Variants in ANO7 observed in about 807,000 individuals in gnomAD.
ANO7 encodes anoctamin-7.
In ANO7, 114 loss-of-function variants were observed where a neutral mutation model predicts 115.8. The observed-to-expected ratio is 0.98, with a 90% confidence interval of 0.85 to 1.15. The LOEUF (loss-of-function observed/expected upper bound fraction) is 1.15. Ranked by LOEUF, ANO7 falls within the 50% of genes most tolerant of loss-of-function variation. The pLI, the probability that ANO7 is intolerant of heterozygous loss-of-function variation, is 0.00. For missense variants in ANO7, 1,302 were observed against 1,201.2 expected (o/e 1.08, Z -1.24); for synonymous variants, 550 against 498.2 (o/e 1.10, Z -1.38).
At chr2:241,196,002 G>A (rs1471990930) in intron 4 of ANO7, 157 bp downstream of exon 4, 10 of 1,514,936 alleles carry the variant, frequency 6.6e-6, no homozygotes, top group Admixed American at 2.1e-5. Flanking sequence ...GAGCTCCTCC[G>A]TGTGGCTAGG....
rs2068116724 is a variant in ANO7, at chr2:241,188,774, C to A, written c.-8+8C>A. On this transcript the variant is annotated splice_region_variant and intron_variant, in intron 1 of 24. Transcript: ENST00000674324. This position sits in a 1 kb window ranked among gnomAD's most constrained non-coding sequence, Gnocchi z 4.3. ...CGGAAGCCACTGTGCCAGGTGGGGA[C>A]CCAGCCTAGACGTGTGGGCCACAGG... The A allele has an allele frequency of 6.2e-7, 1 of 1,612,164 alleles. No homozygotes were observed. The highest frequency in any genetic ancestry group is 1.7e-4 in the Middle Eastern group (1 of 6,044).
At position 241,218,275 on chromosome 2, in the gene ANO7, C is replaced by A. The variant is rs1338349082; in HGVS notation, c.2215C>A (p.Arg739Ser). Residue 739 changes from arginine (R) to serine (S), a missense_variant, in exon 21 of 25, where the codon CGC (arginine) becomes AGC (serine). Transcript: ENST00000674324. ...GGCCTTCTCGTCCGACTTCCTGCCGCGCGCCTACTACCGGTGGACCCGCGC... is the reference window on the plus strand; with the variant it reads ...GGCCTTCTCGTCCGACTTCCTGCCGAGCGCCTACTACCGGTGGACCCGCGC... ...LLAFSSDFLP[R>S]AYYRWTRAHD... 3.3e-6 allele frequency: 5 copies of A among 1,534,266 alleles called. No homozygotes were observed. Among genetic ancestry groups the A allele is most frequent in the South Asian group, 1.2e-5 (1 of 85,094 alleles).
chr2:241,218,044 G>GCA lies in ANO7; in HGVS notation c.2178+153_2178+154insCA, dbSNP rs1559455936. 2.3e-3 allele frequency: 2 copies of GCA among 858 alleles called. 1 individual carries two copies. The highest frequency in any genetic ancestry group is 4.1e-3 in the Non-Finnish European group (2 of 484). The allele number at this position is 858 out of a possible 1,614,324, so 0.1% of individuals were successfully genotyped here. On this transcript the variant is annotated intron_variant, in intron 20 of 24. Coordinates refer to ENST00000674324, the MANE Select transcript of ANO7 (RefSeq NM_001370694.2). ...GGGGCTCGTAGGGGCGGGGCGGGGG[G>GCA]GCGGCGGGGGCGGGCAGGGGCGGGG...
chr2:241,191,210 CG>C lies in ANO7; in HGVS notation c.127del (p.Ala43ProfsTer24), dbSNP rs763152755. On this transcript the variant is annotated frameshift_variant, in exon 3 of 25. Coordinates refer to ENST00000674324, the MANE Select transcript of ANO7 (RefSeq NM_001370694.2). LOFTEE classifies it high-confidence loss of function. ...GCCTTCCAGCCAGGTGGACAGCAAG[CG>C]GCCGCCTGCAGAGCTGGGAGTCCTG... The part of the protein sequence containing the change: ...AHASEPGGQQ[A>X]AACRAGSPAK... 2 of 1,613,866 alleles carry C rather than the reference CG, an allele frequency of 1.2e-6. No homozygotes were observed. Among genetic ancestry groups the C allele is most frequent in the Admixed American group, 3.3e-5 (2 of 60,018 alleles).
chr2:241,193,539 G>C (rs751169880), intron 3 of ANO7, among the ~76,000 whole-genome samples: 3 of 150,048 alleles, frequency 2.0e-5, no homozygotes, highest in African/African-American at 4.9e-5. Context: ...GCTACCAGAA[G>C]CTCCCCACCC....
intron 11 of ANO7, 89 bp downstream of exon 11, chr2:241,207,759 C>A: frequency 8.3e-7 from 1 of 1,209,278 alleles, no homozygotes; most frequent in Non-Finnish European, 1.2e-6. Flanking sequence ...TCTGCCTGCA[C>A]CAGCCCCTGT....
chr2:241,217,542 C>G lies in ANO7; in HGVS notation c.1973-144C>G, dbSNP rs892488813. The G allele has an allele frequency of 3.8e-5, 37 of 962,030 alleles. 2 individuals are homozygous for G. The highest frequency in any genetic ancestry group is 3.2e-4 in the Middle Eastern group (1 of 3,164). 59.6% of individuals were successfully genotyped at this position (962,030 alleles called of 1,614,324 possible). ...GGCCCTGGCGCTGCGCGGTCCAGGA[C>G]GAGGGAGACCAGGAGGTGGGGGCGG... On this transcript the variant is annotated intron_variant, in intron 19 of 24. Transcript: ENST00000674324.
intron 21 of ANO7, among the ~76,000 whole-genome samples, chr2:241,221,208 T>C (rs755875860): frequency 2.0e-5 from 3 of 151,324 alleles, no homozygotes; most frequent in Non-Finnish European, 4.4e-5. Context: ...CACAAGTAGC[T>C]GGGATTACAG....
rs759859685 is a variant in ANO7, at chr2:241,218,237, A to G, written c.2179-2A>G. ...CCTCGCGCTGACCCCTCCGGCGCCC[A>G]GGCCTTCCTCCTGGCCTTCTCGTCC... On this transcript the variant is annotated splice_acceptor_variant, in intron 20 of 24. Coordinates refer to ENST00000674324, the MANE Select transcript of ANO7 (RefSeq NM_001370694.2). LOFTEE classifies it high-confidence loss of function. 2.5e-5 allele frequency: 38 copies of G among 1,493,758 alleles called. No individual in the cohort carries two copies. The Admixed American group carries it at 6.6e-4, about 26-fold the overall frequency. The allele number at this position is 1,493,758 out of a possible 1,614,324, so 92.5% of individuals were successfully genotyped here.
chr2:241,201,774 T>G (rs1379048379), intron 7 of ANO7, among the ~76,000 whole-genome samples: 1 of 152,210 alleles, frequency 6.6e-6, no homozygotes, highest in Non-Finnish European at 1.5e-5. Context: ...GAGGCCCTGC[T>G]GACCACCACA....
At chr2:241,194,650 T>G (rs1327102039) in intron 3 of ANO7, among the ~76,000 whole-genome samples, 2 of 152,240 alleles carry the variant, frequency 1.3e-5, no homozygotes, top group Non-Finnish European at 2.9e-5. Context: ...CGAGACAGAA[T>G]GCCCACATTC....
At chr2:241,232,692 T>C in the ANO7 span, among the ~76,000 whole-genome samples, 1 of 152,172 alleles carries the variant, frequency 6.6e-6, no homozygotes, top group African/African-American at 2.4e-5. Context: ...CTCACAGCTG[T>C]AGTCCCAGCT....
Position 241,212,185 on chromosome 2 carries a change from C to T in ANO7, c.1653C>T (p.Tyr551=), listed in dbSNP as rs752169021. 1 of 1,614,092 alleles carries T rather than the reference C, an allele frequency of 6.2e-7. No homozygotes were observed. The highest frequency in any genetic ancestry group is 1.1e-5 in the South Asian group (1 of 91,090). ...TCAACTTCTACTCCTCACCCGTCTA[C>T]ATTGCCTTCTTCAAGGGCAGGTTGG... ...QFVNFYSSPV[Y]IAFFKGRFVG... Residue 551 remains tyrosine, a synonymous_variant, in exon 16 of 25, where the codon TAC becomes TAT. Coordinates refer to ENST00000674324, the MANE Select transcript of ANO7 (RefSeq NM_001370694.2).
intron 2 of ANO7, 65 bp downstream of exon 2, chr2:241,190,236 C>T: frequency 7.2e-7 from 1 of 1,382,436 alleles, no homozygotes; most frequent in Non-Finnish European, 9.8e-7. Flanking sequence ...TCTATGCCCC[C>T]ACCCTGGGCC....
intron 13 of ANO7, among the ~76,000 whole-genome samples, 191 bp from the exon 14 acceptor site, chr2:241,210,104 C>G (rs965021518): frequency 6.6e-6 from 1 of 152,240 alleles, no homozygotes; most frequent in Non-Finnish European, 1.5e-5. Flanking sequence ...CCCCACCCCA[C>G]CTCTGCCTGA....
At position 241,209,513 on chromosome 2, in the gene ANO7, C is replaced by T. The variant is rs1337137136; in HGVS notation, c.1237C>T (p.Gln413Ter). 1 of 1,591,006 alleles carries T rather than the reference C, an allele frequency of 6.3e-7. No homozygotes were observed. Among genetic ancestry groups the T allele is most frequent in the Non-Finnish European group, 8.6e-7 (1 of 1,168,430 alleles). Reference protein sequence around the residue: ...YEDTEERPRPQFAASAPMTAP... With the variant: ...YEDTEERPRP The stretch of plus-strand genomic sequence containing the variant: ...TCCCTTCCAGGAGAGGCCTCGGCCC[C>T]AGTTTGCCGCCTCAGCCCCCATGAC... The change falls in exon 13 of 25, where the codon CAG (glutamine) becomes TAG (stop). Residue 413 changes from glutamine to a stop codon, truncating the protein, a stop_gained. Transcript: ENST00000674324. LOFTEE classifies it high-confidence loss of function.
chr2:241,200,121 C>T lies in ANO7; in HGVS notation c.450C>T (p.Ala150=), dbSNP rs746898409. The change falls in exon 6 of 25, where the codon GCC becomes GCT. Residue 150 remains alanine (A), a synonymous_variant. Coordinates refer to ENST00000674324, the MANE Select transcript of ANO7 (RefSeq NM_001370694.2). ...ELPNQASNWS[A]GLLAWLGIPN... ...CCAACCAGGCCTCCAACTGGTCGGC[C>T]GGCCTGCTGGCATGGCTGGGCATCC... 3.7e-5 allele frequency: 60 copies of T among 1,612,944 alleles called. No individual in the cohort carries two copies. In the East Asian group the frequency reaches 3.8e-4, roughly 10 times the overall value.
chr2:241,204,091 G>A (rs2068534931), intron 9 of ANO7, among the ~76,000 whole-genome samples: 1 of 152,194 alleles, frequency 6.6e-6, no homozygotes, highest in African/African-American at 2.4e-5. Flanking sequence ...GGCGGGGCCG[G>A]CAGGCATGGA....
At chr2:241,236,517 G>A in the ANO7 span, 30 of 1,257,310 alleles carry the variant, frequency 2.4e-5, no homozygotes, top group South Asian at 1.6e-4. Flanking sequence ...TGCCACTGCC[G>A]CTTGGGCAAC....
Sources: allele counts gnomAD v4.1 joint callset (sites outside exome capture counted in the v4.1 genomes callset), GRCh38; gene constraint gnomAD v4.1.1; non-coding constraint Gnocchi (gnomAD v3.1); transcripts MANE v1.5; gene names NCBI Gene and HGNC (gene_info 2026-07-23, HGNC 2026-07-21).